The following FREM3 variants were observed in gnomAD, a reference collection of about 807,000 sequenced individuals.
FREM3 encodes the protein FRAS1-related extracellular matrix protein 3.
In FREM3, 105 loss-of-function variants were observed where a neutral mutation model predicts 129.1. The observed-to-expected ratio is 0.81, with a 90% CI of 0.69 to 0.96. The LOEUF (loss-of-function observed/expected upper bound fraction) is 0.96. FREM3 is among the 40% of genes least tolerant of loss of function. The pLI is 0.00. For synonymous variants in FREM3, 1,014 were observed against 1,044.9 expected (o/e 0.97, Z 0.57); for missense variants, 2,593 against 2,666.3 (o/e 0.97, Z 0.61).
At position 143,585,169 on chromosome 4, in the gene FREM3, A is replaced by G. The variant is rs1738216515; in HGVS notation, c.6178+675T>C. 6.6e-6 allele frequency among the ~76,000 whole-genome samples: 1 copy of G among 152,238 alleles called. No homozygotes were observed. The highest frequency in any genetic ancestry group is 2.1e-4 in the South Asian group (1 of 4,830). On this transcript the variant is annotated intron_variant, in intron 7 of 7. Coordinates refer to ENST00000329798, the MANE Select transcript of FREM3 (RefSeq NM_001168235.2). The surrounding 1 kb of genome is among the most constrained non-coding windows in gnomAD (Gnocchi z 4.2). ...TTTATAGTGCTAAATGCTCACATCAAAAAGTTAGAAAGATATAAAATTAAC... is the reference window on the plus strand; with the variant it reads ...TTTATAGTGCTAAATGCTCACATCAGAAAGTTAGAAAGATATAAAATTAAC...
intron 2 of FREM3, among the ~76,000 whole-genome samples, chr4:143,630,370 T>C (rs141796202): frequency 7.3e-4 from 111 of 152,336 alleles, no homozygotes; most frequent in African/African-American, 2.5e-3. Context: ...GCTAGTTTCA[T>C]AGGAACAGCC....
intron 2 of FREM3, among the ~76,000 whole-genome samples, chr4:143,679,078 A>G (rs2149858653): frequency 6.6e-6 from 1 of 152,326 alleles, no homozygotes; most frequent in African/African-American, 2.4e-5. Flanking sequence ...AACCATGTAT[A>G]TGCATTTATT....
intron 7 of FREM3, among the ~76,000 whole-genome samples, chr4:143,582,279 T>C (rs370636562): frequency 3.9e-5 from 6 of 152,082 alleles, no homozygotes; most frequent in Admixed American, 1.3e-4. Flanking sequence ...CCCACACTGT[T>C]AGAGTGCTGA....
rs1047395114 is a variant in FREM3 at position 143,585,854 on chromosome 4, C to T, written c.6168G>A (p.Glu2056=). The T allele has an allele frequency of 2.6e-6, 4 of 1,537,250 alleles. No homozygotes were observed. In the South Asian group the frequency reaches 3.6e-5, roughly 14 times the overall value. ...IAVRSRKSEQ[E]SAEAGTDYVG... is the part of the protein sequence containing the mutation. ...AAGTGGCCCTCTCACCTTCTGCTGA[C>T]TCCTGCTCTGACTTTCTGGAGCGCA... The change falls in exon 7 of 8, where the codon GAG becomes GAA. Residue 2056 remains glutamate, a synonymous_variant. Transcript: ENST00000329798. The surrounding 1 kb of genome is among the most constrained non-coding windows in gnomAD (Gnocchi z 4.2).
At chr4:143,595,880 G>A (rs1427462276) in intron 6 of FREM3, among the ~76,000 whole-genome samples, 2 of 53,704 alleles carry the variant, frequency 3.7e-5, no homozygotes, top group Admixed American at 3.8e-4. Flanking sequence ...AGAGCGAGAC[G>A]CCATCTCAGA....
chr4:143,642,479 A>G (rs1191057279), intron 2 of FREM3, among the ~76,000 whole-genome samples: 2 of 152,168 alleles, frequency 1.3e-5, no homozygotes, highest in Non-Finnish European at 2.9e-5. Flanking sequence ...CAAGAAATAA[A>G]TTCGTGCACC....
intron 2 of FREM3, among the ~76,000 whole-genome samples, chr4:143,635,596 A>C (rs1228332537): frequency 6.6e-6 from 1 of 152,218 alleles, no homozygotes; most frequent in East Asian, 1.9e-4. Context: ...CCTGGGGGGA[A>C]ATCACCACTG....
chr4:143,645,770 ATTGG>A (rs2149847351), intron 2 of FREM3, among the ~76,000 whole-genome samples: 1 of 152,286 alleles, frequency 6.6e-6, no homozygotes, highest in East Asian at 1.9e-4. Context: ...CTATCAATAT[ATTGG>A]TTCTTTTTCT....
intron 2 of FREM3, among the ~76,000 whole-genome samples, chr4:143,663,678 G>A (rs945433511): frequency 1.3e-5 from 2 of 152,112 alleles, no homozygotes; most frequent in African/African-American, 4.8e-5. Context: ...CCTGCAGAGT[G>A]TTTTCCAACT....
At chr4:143,664,567 C>T (rs7693325) in intron 2 of FREM3, among the ~76,000 whole-genome samples, 13,735 of 152,132 alleles carry the variant, frequency 0.09, 1,598 homozygotes, top group African/African-American at 0.26. Flanking sequence ...GCAGTCTGCC[C>T]GTTCTCAGAT....
chr4:143,661,876 T>C (rs1739732448), intron 2 of FREM3, among the ~76,000 whole-genome samples: 2 of 152,214 alleles, frequency 1.3e-5, no homozygotes, highest in Admixed American at 1.3e-4. Context: ...TTTGTTTGTG[T>C]AGAGGTGTTT....
At chr4:143,684,573 C>G (rs1740321901) in intron 2 of FREM3, among the ~76,000 whole-genome samples, 1 of 152,180 alleles carries the variant, frequency 6.6e-6, no homozygotes, top group Admixed American at 6.5e-5. Context: ...GAAAACCAAC[C>G]CTGGTAATAT....
chr4:143,683,162 G>T (rs769635697), intron 2 of FREM3, among the ~76,000 whole-genome samples: 15 of 152,154 alleles, frequency 9.9e-5, no homozygotes, highest in African/African-American at 3.4e-4. Context: ...GGAGAGAGGC[G>T]GATGATCATG....
In FREM3 at chr4:143,585,835, C is replaced by G. The variant is rs1437503165; in HGVS notation, c.6178+9G>C. 8.5e-6 allele frequency: 13 copies of G among 1,536,810 alleles called. No homozygotes were observed. Among genetic ancestry groups the G allele is most frequent in the Non-Finnish European group, 1.1e-5 (13 of 1,146,686 alleles). Reference sequence around the variant, plus strand: ...TGATAATGATATATTCTTTAAGTGGCCCTCTCACCTTCTGCTGACTCCTGC... The same window carrying G: ...TGATAATGATATATTCTTTAAGTGGGCCTCTCACCTTCTGCTGACTCCTGC... On this transcript the variant is annotated intron_variant, in intron 7 of 7. Coordinates refer to ENST00000329798, the MANE Select transcript of FREM3 (RefSeq NM_001168235.2). The surrounding 1 kb of genome is among the most constrained non-coding windows in gnomAD (Gnocchi z 4.2).
intron 2 of FREM3, among the ~76,000 whole-genome samples, chr4:143,669,728 C>A (rs1739933210): frequency 6.6e-6 from 1 of 150,538 alleles, no homozygotes; most frequent in Non-Finnish European, 1.5e-5. Flanking sequence ...ACATCAGCTT[C>A]CAGATGTTTG....
chr4:143,663,138 G>A (rs1239451368), intron 2 of FREM3, among the ~76,000 whole-genome samples: 1 of 152,024 alleles, frequency 6.6e-6, no homozygotes, highest in African/African-American at 2.4e-5. Flanking sequence ...GATGTTAGCT[G>A]GTTATTTTGC....
chr4:143,665,902 T>C (rs1424979777), intron 2 of FREM3, among the ~76,000 whole-genome samples: 1 of 152,128 alleles, frequency 6.6e-6, no homozygotes, highest in Non-Finnish European at 1.5e-5. Flanking sequence ...CATATTATGT[T>C]TTCTCAACAT....
intron 2 of FREM3, among the ~76,000 whole-genome samples, chr4:143,680,572 A>G (rs1740231688): frequency 1.3e-5 from 2 of 151,992 alleles, no homozygotes; most frequent in South Asian, 4.1e-4. Context: ...CCTCATCTGT[A>G]TTTTATAACT....
At chr4:143,627,887 T>G (rs892970258) in intron 2 of FREM3, 127 bp from the exon 3 acceptor site, 1 of 659,652 alleles carries the variant, frequency 1.5e-6, no homozygotes, top group African/African-American at 1.8e-5. Context: ...TTATTTTATT[T>G]TTTTGGTAGA....
Sources: gnomAD v4.1 joint callset for allele counts (sites outside exome capture counted in the v4.1 genomes callset) on GRCh38, gnomAD v4.1.1 for gene constraint, Gnocchi (gnomAD v3.1) non-coding constraint, MANE v1.5 for transcripts, NCBI Gene and HGNC (gene_info 2026-07-23, HGNC 2026-07-21) for gene names.